Variants in KLHDC4 observed in about 807,000 individuals in gnomAD.
KLHDC4 encodes kelch domain-containing protein 4.
A neutral mutation model predicts 62.4 loss-of-function variants in KLHDC4; 90 were observed. That is an observed-to-expected ratio of 1.44 (90% CI 1.22 to 1.72). The LOEUF (loss-of-function observed/expected upper bound fraction) is 1.72. KLHDC4 is among the 40% of genes most tolerant of loss of function. The pLI, the probability that KLHDC4 is intolerant of heterozygous loss-of-function variation, is 0.00. For synonymous variants in KLHDC4, 386 were observed against 284.4 expected, an observed-to-expected ratio of 1.36 and a Z score of -3.59; for missense variants, 1,025 against 699.7, an observed-to-expected ratio of 1.47 and a Z score of -5.25.
Position 87,747,023 on chromosome 16 carries a change from A to G in KLHDC4, c.506+1650T>C, listed in dbSNP as rs1242024174. 3.3e-5 allele frequency among the ~76,000 whole-genome samples: 5 copies of G among 152,338 alleles called. No individual in the cohort carries two copies. In the South Asian group the frequency reaches 8.3e-4, roughly 25 times the overall value. ...TGCCATCCGCAGCTGCCGGCCCAAG[A>G]GAGGGGCCAGGGCCACTCCCAAAGT... On this transcript the variant is annotated intron_variant, in intron 5 of 11. Transcript: ENST00000270583.
At chr16:87,742,427 T>C (rs1011953271) in intron 5 of KLHDC4, among the ~76,000 whole-genome samples, 66 of 152,184 alleles carry the variant, frequency 4.3e-4, no homozygotes, top group African/African-American at 1.5e-3. Context: ...TAAGAGGTAT[T>C]TTACATGAAT....
intron 10 of KLHDC4, 67 bp from the exon 11 acceptor site, chr16:87,708,533 C>A: frequency 1.6e-6 from 2 of 1,223,940 alleles, no homozygotes; most frequent in South Asian, 1.6e-5. Context: ...GGCTGCGGGA[C>A]GGTGGTGGCT....
intron 10 of KLHDC4, among the ~76,000 whole-genome samples, chr16:87,708,835 T>C (rs992272205): frequency 6.6e-6 from 1 of 152,224 alleles, no homozygotes; most frequent in African/African-American, 2.4e-5. Context: ...CTCAGATCTT[T>C]AAAAACTGCA....
At chr16:87,756,290 A>T in intron 3 of KLHDC4, 109 bp downstream of exon 3, 1 of 803,930 alleles carries the variant, frequency 1.2e-6, no homozygotes, top group South Asian at 1.5e-5. Context: ...AGCGCGTGAT[A>T]CAAGGGGTGA....
chr16:87,701,805 G>A (rs1258665560), exon 1 of KLHDC4: 1 of 456,702 alleles, frequency 2.2e-6, no homozygotes, highest in East Asian at 7.0e-5. Flanking sequence ...GTGCCCCATG[G>A]GACAGAGGCC....
intron 5 of KLHDC4, among the ~76,000 whole-genome samples, chr16:87,736,484 T>C (rs1043854889): frequency 6.6e-6 from 1 of 152,150 alleles, no homozygotes. Context: ...AGCCCCTGTC[T>C]TTCAAAAGCA....
chr16:87,752,089 C>CAAAAAAAAAAA lies in KLHDC4; in HGVS notation c.369+3094_369+3104dup, dbSNP rs1173625123. 7.0e-3 allele frequency among the ~76,000 whole-genome samples: 205 copies of CAAAAAAAAAAA among 29,442 alleles called. 19 individuals carry two copies. Among genetic ancestry groups the CAAAAAAAAAAA allele is most frequent in the African/African-American group, 0.018 (104 of 5,858 alleles). 19.3% of individuals were successfully genotyped at this position (29,442 alleles called of 152,430 possible). ...TGGGCAACAGAGTGAGACTTTGTCT[C>CAAAAAAAAAAA]AAAAAAAAAAAAAAAAAAAAAAAAA... On this transcript the variant is annotated intron_variant, in intron 4 of 11. Transcript: ENST00000270583.
At chr16:87,764,206 G>C (rs1462063451) in intron 1 of KLHDC4, among the ~76,000 whole-genome samples, 2 of 152,320 alleles carry the variant, frequency 1.3e-5, no homozygotes, top group African/African-American at 4.8e-5. Flanking sequence ...AGCCTAATCA[G>C]ACGCCCACTT....
downstream of KLHDC4, among the ~76,000 whole-genome samples, chr16:87,703,889 A>T (rs1450755781): frequency 6.6e-6 from 1 of 152,200 alleles, no homozygotes; most frequent in African/African-American, 2.4e-5. Context: ...AATGGAGGTG[A>T]CTGCAACCTG....
intron 5 of KLHDC4, among the ~76,000 whole-genome samples, chr16:87,742,306 C>T (rs922034456): frequency 1.3e-5 from 2 of 152,170 alleles, no homozygotes; most frequent in Non-Finnish European, 2.9e-5. Context: ...GATCCGGCCA[C>T]ATAGCACTCA....
intron 5 of KLHDC4, among the ~76,000 whole-genome samples, chr16:87,744,044 C>T (rs1188433177): frequency 4.6e-5 from 7 of 151,972 alleles, no homozygotes; most frequent in South Asian, 2.1e-4. Flanking sequence ...TTTGGGAGGC[C>T]GAGGGGGGCA....
chr16:87,729,351 T>G (rs895768293), intron 6 of KLHDC4: 9 of 152,048 alleles, frequency 5.9e-5, no homozygotes, highest in African/African-American at 1.9e-4. Context: ...ATCAATCAAT[T>G]GCCATGCTGG....
At position 87,711,248 on chromosome 16, in the gene KLHDC4, T is replaced by A; in HGVS notation, c.1031A>T (p.Glu344Val). The change falls in exon 9 of 12, where the codon GAG becomes GTG. Residue 344 changes from glutamate to valine, a missense_variant. Glu to Val is a moderately radical substitution (Grantham distance 121). Transcript: ENST00000270583. Reference protein sequence around the residue: ...FYDATRNRWFEGQLKGPKSEK... With the variant: ...FYDATRNRWFVGQLKGPKSEK... ...AGGTTGCACTACCTTCAGCTGTCCC[T>A]CAAACCAACGGTTCCTGGTGGCGTC... 6.2e-7 allele frequency: 1 copy of A among 1,614,026 alleles called. No homozygotes were observed. The highest frequency in any genetic ancestry group is 8.5e-7 in the Non-Finnish European group (1 of 1,180,028).
At position 87,714,545 on chromosome 16, in the gene KLHDC4, G is replaced by T; in HGVS notation, c.788C>A (p.Thr263Lys). 6.2e-7 allele frequency: 1 copy of T among 1,614,166 alleles called. No individual in the cohort carries two copies. Among genetic ancestry groups the T allele is most frequent in the Non-Finnish European group, 8.5e-7 (1 of 1,180,018 alleles). The change falls in exon 8 of 12, where the codon ACA (threonine) becomes AAA (lysine). Residue 263 changes from threonine (T) to lysine (K), a missense_variant. Thr to Lys is a moderately conservative substitution (Grantham distance 78, BLOSUM62 -1). Transcript: ENST00000270583. ...QRVKKDVDKG[T>K]RHSDMFLLKP... ...CAGCAGGAACATGTCTGAGTGCCGT[G>T]TGCCCTTGTCCACGTCTTTCTTAAC...
chr16:87,699,713 C>G (rs1567626194), exon 1 of KLHDC4: 2 of 152,382 alleles, frequency 1.3e-5, no homozygotes, highest in South Asian at 2.1e-4. Flanking sequence ...AAGATACACA[C>G]TGTAGAAAGA....
rs138909472 is a variant in KLHDC4, at chr16:87,708,392, C to T, written c.1522G>A (p.Asp508Asn). 1.1e-3 allele frequency: 1,820 copies of T among 1,611,252 alleles called. 3 individuals carry two copies. Among genetic ancestry groups the T allele is most frequent in the Non-Finnish European group, 1.4e-3 (1,677 of 1,179,244 alleles). Reference sequence around the variant, plus strand: ...CTCTCCTCTCCGCTGTCTTCGTCGTCGACCCCACCCTCGGCGCCCTCAACC... The same window carrying T: ...CTCTCCTCTCCGCTGTCTTCGTCGTTGACCCCACCCTCGGCGCCCTCAACC... ...EEVEGAEGGV[D>N]DEDSGEESGA... The change falls in exon 11 of 12, where the codon GAC (aspartate) becomes AAC (asparagine). Residue 508 changes from aspartate (D) to asparagine (N), a missense_variant. By Grantham distance (23) the Asp-to-Asn change is conservative. Transcript: ENST00000270583.
Position 87,762,042 on chromosome 16 carries a change from T to A in KLHDC4, c.100-2A>T. 2.5e-6 allele frequency: 4 copies of A among 1,613,264 alleles called. No homozygotes were observed. The highest frequency in any genetic ancestry group is 3.4e-6 in the Non-Finnish European group (4 of 1,179,624). On this transcript the variant is annotated splice_acceptor_variant, in intron 1 of 11. Transcript: ENST00000270583. LOFTEE classifies it high-confidence loss of function. Reference sequence around the variant, plus strand: ...GGCTATGAGCGCTTCCAGGTCTTCCTAGGGCAAGCAAGCAGGCACACGTGA... The same window carrying A: ...GGCTATGAGCGCTTCCAGGTCTTCCAAGGGCAAGCAAGCAGGCACACGTGA...
At chr16:87,746,757 C>T (rs1369148241) in intron 5 of KLHDC4, among the ~76,000 whole-genome samples, 1 of 152,186 alleles carries the variant, frequency 6.6e-6, no homozygotes, top group Non-Finnish European at 1.5e-5. Flanking sequence ...GAGACTGGAA[C>T]TGGGGGCCAA....
At chr16:87,753,599 A>G (rs560210243) in intron 4 of KLHDC4, among the ~76,000 whole-genome samples, 2 of 151,632 alleles carry the variant, frequency 1.3e-5, no homozygotes, top group South Asian at 4.1e-4. Context: ...CAGGAGTTCG[A>G]AACCAGCCTG....
Sources: gnomAD v4.1 joint callset for allele counts (sites outside exome capture counted in the v4.1 genomes callset) on GRCh38, gnomAD v4.1.1 for gene constraint, MANE v1.5 for transcripts, NCBI Gene and HGNC (gene_info 2026-07-23, HGNC 2026-07-21) for gene names.